The following WDR49 variants were observed in gnomAD, a reference collection of about 807,000 sequenced individuals.
The protein encoded by WDR49 is cilia- and flagella-associated protein 337.
WDR49 carries 107 observed loss-of-function variants against 119.5 expected under a neutral mutation model. That is an observed-to-expected ratio of 0.90 (90% confidence interval 0.77 to 1.05). WDR49 has a LOEUF of 1.05. WDR49 is among the 50% of genes least tolerant of loss of function. The pLI, the probability that WDR49 is intolerant of heterozygous loss-of-function variation, is 0.00. For synonymous variants in WDR49, 425 were observed against 418.8 expected (o/e 1.01, Z -0.18); for missense variants, 1,240 against 1,220.5 (o/e 1.02, Z -0.24).
At chr3:167,526,069 C>T (rs552203058) in intron 15 of WDR49, among the ~76,000 whole-genome samples, 3 of 151,866 alleles carry the variant, frequency 2.0e-5, no homozygotes, top group East Asian at 2.0e-4. Context: ...ACTAGAAAAC[C>T]GTTTTCCCCA....
chr3:167,514,353 C>T (rs1338992165), intron 16 of WDR49, among the ~76,000 whole-genome samples: 1 of 151,818 alleles, frequency 6.6e-6, no homozygotes, highest in Non-Finnish European at 1.5e-5. Flanking sequence ...TCTTGAATGA[C>T]TCCTGGGTAA....
At chr3:167,490,856 C>T (rs564104274) in intron 18 of WDR49, among the ~76,000 whole-genome samples, 7 of 152,186 alleles carry the variant, frequency 4.6e-5, no homozygotes, top group Admixed American at 6.5e-5. Context: ...ACACCACTTT[C>T]GGGATCTACT....
intron 16 of WDR49, among the ~76,000 whole-genome samples, chr3:167,515,403 T>C (rs530686782): frequency 1.3e-5 from 2 of 152,188 alleles, no homozygotes; most frequent in Non-Finnish European, 2.9e-5. Context: ...ATTACCTCAA[T>C]AGGTACAGAA....
intron 8 of WDR49, among the ~76,000 whole-genome samples, chr3:167,572,478 G>C (rs1407180085): frequency 6.6e-6 from 1 of 152,110 alleles, no homozygotes; most frequent in Non-Finnish European, 1.5e-5. Context: ...TCAAGCAAAG[G>C]GAAAATGTTC....
chr3:167,571,777 C>T (rs1713950818), intron 8 of WDR49, among the ~76,000 whole-genome samples: 1 of 152,106 alleles, frequency 6.6e-6, no homozygotes, highest in South Asian at 2.1e-4. Flanking sequence ...TAATTTCTTA[C>T]AATAATCATG....
intron 5 of WDR49, among the ~76,000 whole-genome samples, chr3:167,616,970 C>G (rs1015126629): frequency 6.6e-6 from 1 of 152,062 alleles, no homozygotes; most frequent in African/African-American, 2.4e-5. Context: ...AAATTTCCTT[C>G]TAGGCTTGGA....
Position 167,554,630 on chromosome 3 carries a change from A to T in WDR49, c.1823+20T>A, listed in dbSNP as rs1712805902. The stretch of plus-strand genomic sequence containing the variant: ...TTTTCTTTTAGATTTTGATTAAAAT[A>T]AAAACATTCTCCTTTTTACCTTCCT... On this transcript the variant is annotated intron_variant, in intron 10 of 18. Transcript: ENST00000682715. The T allele has an allele frequency of 7.1e-7, 1 of 1,409,160 alleles. No individual in the cohort carries two copies. The highest frequency in any genetic ancestry group is 9.8e-7 in the Non-Finnish European group (1 of 1,025,106). 87.3% of individuals were successfully genotyped at this position (1,409,160 alleles called of 1,614,324 possible). A position where few individuals can be genotyped will look rare whatever the true frequency, so the allele number is the denominator to read the frequency against.
At chr3:167,602,402 C>A in intron 6 of WDR49, 127 bp from the exon 7 acceptor site, 1 of 803,372 alleles carries the variant, frequency 1.2e-6, no homozygotes. Context: ...GACTAATGCA[C>A]CTGTTTTGCC....
intron 6 of WDR49, among the ~76,000 whole-genome samples, chr3:167,604,063 TA>T (rs376091634): frequency 0.013 from 1,987 of 149,228 alleles, 33 homozygotes; most frequent in African/African-American, 0.045. Context: ...CAATTGTAAT[TA>T]AAAAAAAAAC....
At position 167,506,636 on chromosome 3, in the gene WDR49, C is replaced by T. The variant is rs541439711; in HGVS notation, c.2775-1220G>A. On this transcript the variant is annotated intron_variant, in intron 16 of 18. Transcript: ENST00000682715. ...CAGTATATCCCTCAGCCAATTTTCCCTATTATAACATCTTACACTACCATT... is the reference window on the plus strand; with the variant it reads ...CAGTATATCCCTCAGCCAATTTTCCTTATTATAACATCTTACACTACCATT... Among the ~76,000 whole-genome samples, 16 of 152,174 alleles carry T rather than the reference C, an allele frequency of 1.1e-4. No homozygotes were observed. The South Asian group carries it at 3.3e-3, about 32-fold the overall frequency.
chr3:167,498,082 C>T (rs1751427916), intron 18 of WDR49, among the ~76,000 whole-genome samples: 1 of 152,074 alleles, frequency 6.6e-6, no homozygotes, highest in Admixed American at 6.5e-5. Flanking sequence ...CCTCTTGATC[C>T]ACCTGCCTCG....
Position 167,541,378 on chromosome 3 carries a change from G to A in WDR49, c.1824-4378C>T, listed in dbSNP as rs528049485. Among the ~76,000 whole-genome samples, 4 of 152,278 alleles carry A rather than the reference G, an allele frequency of 2.6e-5. No homozygotes were observed. The South Asian group carries it at 8.3e-4, about 32-fold the overall frequency. On this transcript the variant is annotated intron_variant, in intron 10 of 18. Coordinates refer to ENST00000682715, the MANE Select transcript of WDR49 (RefSeq NM_001366157.1). Reference sequence around the variant, plus strand: ...TCAGCAGAAACCCTACAAGCCAGAAGGGACTGGGGTCCTATCTTTAGCCTC... The same window carrying A: ...TCAGCAGAAACCCTACAAGCCAGAAAGGACTGGGGTCCTATCTTTAGCCTC...
upstream of WDR49, among the ~76,000 whole-genome samples, chr3:167,654,958 G>A (rs1456428792): frequency 1.3e-5 from 2 of 151,494 alleles, no homozygotes; most frequent in African/African-American, 4.8e-5. Context: ...AGTAACATAC[G>A]GAAGAGAACA....
chr3:167,594,297 T>C (rs1715297512), intron 7 of WDR49, among the ~76,000 whole-genome samples: 2 of 152,174 alleles, frequency 1.3e-5, no homozygotes, highest in Non-Finnish European at 2.9e-5. Flanking sequence ...TTCATAGTGA[T>C]ATGGGCAATG....
At chr3:167,543,542 TA>T (rs1365157201) in intron 10 of WDR49, among the ~76,000 whole-genome samples, 1 of 151,894 alleles carries the variant, frequency 6.6e-6, no homozygotes, top group African/African-American at 2.4e-5. Context: ...ATAAATATCA[TA>T]TGATTATCTC....
chr3:167,511,511 C>T (rs1161523960), intron 16 of WDR49, among the ~76,000 whole-genome samples: 1 of 152,214 alleles, frequency 6.6e-6, no homozygotes, highest in Non-Finnish European at 1.5e-5. Context: ...TAAGAGAAGT[C>T]TGTGAACTAT....
chr3:167,499,628 T>G (rs1271342511), intron 18 of WDR49, among the ~76,000 whole-genome samples: 1 of 152,216 alleles, frequency 6.6e-6, no homozygotes, highest in Non-Finnish European at 1.5e-5. Context: ...ATTTTGTACA[T>G]CTTGTTTCTA....
chr3:167,513,132 A>G (rs1012729790), intron 16 of WDR49, among the ~76,000 whole-genome samples: 3 of 152,258 alleles, frequency 2.0e-5, no homozygotes, highest in Admixed American at 6.5e-5. Flanking sequence ...GAAAAGATCA[A>G]CCCCAAGACA....
intron 13 of WDR49, 25 bp from the exon 14 acceptor site, chr3:167,529,264 C>A: frequency 6.6e-7 from 1 of 1,524,564 alleles, no homozygotes; most frequent in Non-Finnish European, 8.8e-7. Flanking sequence ...AAAAATCTAA[C>A]TAGAAAACTG....
Sources: gnomAD v4.1 joint callset for allele counts (sites outside exome capture counted in the v4.1 genomes callset) on GRCh38, gnomAD v4.1.1 for gene constraint, MANE v1.5 for transcripts, NCBI Gene and HGNC (gene_info 2026-07-23, HGNC 2026-07-21) for gene names.